CNTN4: variants seen among roughly 807,000 people sequenced by gnomAD.
CNTN4 encodes the protein contactin 4.
CNTN4 carries 77 observed loss-of-function variants against 122.5 expected under a neutral mutation model. The observed-to-expected ratio is 0.63, with a 90% confidence interval of 0.52 to 0.76. CNTN4 has a LOEUF of 0.76. CNTN4 is among the 30% of genes least tolerant of loss of function. CNTN4 has a pLI of 0.00. For synonymous variants in CNTN4, 512 were observed against 447.0 expected (o/e 1.15, Z -1.83); for missense variants, 1,256 against 1,259.1 (o/e 1.00, Z 0.04).
intron 2 of CNTN4, among the ~76,000 whole-genome samples, chr3:2,214,499 C>A (rs2038753124): frequency 6.6e-6 from 1 of 151,998 alleles, no homozygotes; most frequent in African/African-American, 2.4e-5. Flanking sequence ...CTTTCTTTTA[C>A]CTTTCAAAAA....
At chr3:3,019,573 GCATGAGC>G (rs1456779468) in intron 14 of CNTN4, among the ~76,000 whole-genome samples, 4 of 151,850 alleles carry the variant, frequency 2.6e-5, no homozygotes, top group Non-Finnish European at 5.9e-5. Context: ...AGGATTACAG[GCATGAGC>G]CATGGTAGCC....
At chr3:2,402,878 T>C (rs1345160528) in intron 3 of CNTN4, among the ~76,000 whole-genome samples, 2 of 152,174 alleles carry the variant, frequency 1.3e-5, no homozygotes, top group Non-Finnish European at 2.9e-5. Context: ...TTGCTGTGAT[T>C]GCAATAGTTC....
chr3:2,349,911 T>C (rs2044542931), intron 3 of CNTN4, among the ~76,000 whole-genome samples: 2 of 152,170 alleles, frequency 1.3e-5, no homozygotes, highest in Non-Finnish European at 2.9e-5. Flanking sequence ...AACAGTCAAC[T>C]TTATATGAAC....
At chr3:3,014,312 C>G (rs1438357688) in intron 14 of CNTN4, among the ~76,000 whole-genome samples, 1 of 152,156 alleles carries the variant, frequency 6.6e-6, no homozygotes, top group African/African-American at 2.4e-5. Flanking sequence ...GCAAAACCTA[C>G]TTGTCATTTT....
At chr3:2,877,957 T>C in intron 8 of CNTN4, among the ~76,000 whole-genome samples, 1 of 152,338 alleles carries the variant, frequency 6.6e-6, no homozygotes, top group Non-Finnish European at 1.5e-5. Context: ...CCAAATTAAA[T>C]GGAACAGTTC....
intron 4 of CNTN4, among the ~76,000 whole-genome samples, chr3:2,576,065 G>A (rs957027217): frequency 3.9e-5 from 6 of 152,042 alleles, no homozygotes; most frequent in Non-Finnish European, 8.8e-5. Context: ...TCGATCTCCT[G>A]ACCTTGTGAT....
At chr3:2,391,068 T>C (rs575083214) in intron 3 of CNTN4, among the ~76,000 whole-genome samples, 2 of 152,310 alleles carry the variant, frequency 1.3e-5, no homozygotes, top group East Asian at 1.9e-4. Context: ...GGGAACCAGA[T>C]TTAGTTTGTA....
At chr3:2,324,597 CA>C (rs2043388398) in intron 2 of CNTN4, among the ~76,000 whole-genome samples, 2 of 152,204 alleles carry the variant, frequency 1.3e-5, no homozygotes, top group Middle Eastern at 3.4e-3. Flanking sequence ...CTTTGTGTCC[CA>C]GATCTGTTTC....
chr3:2,632,834 T>C (rs1205857628), intron 4 of CNTN4, among the ~76,000 whole-genome samples: 1 of 152,080 alleles, frequency 6.6e-6, no homozygotes, highest in Non-Finnish European at 1.5e-5. Flanking sequence ...AAAAGCTGAG[T>C]AAATTCCCCA....
intron 3 of CNTN4, among the ~76,000 whole-genome samples, chr3:2,502,536 C>T (rs555902243): frequency 2.6e-5 from 4 of 152,248 alleles, no homozygotes; most frequent in African/African-American, 7.2e-5. Context: ...TTCCATCCAC[C>T]ATCAGTGGAT....
intron 4 of CNTN4, among the ~76,000 whole-genome samples, chr3:2,692,205 A>G (rs1394351993): frequency 2.0e-5 from 3 of 152,214 alleles, no homozygotes; most frequent in African/African-American, 4.8e-5. Context: ...CGATCCCTTG[A>G]CTAAGTATTT....
chr3:2,871,252 T>G (rs1410977382), intron 8 of CNTN4, among the ~76,000 whole-genome samples: 1 of 152,232 alleles, frequency 6.6e-6, no homozygotes, highest in Non-Finnish European at 1.5e-5. Context: ...TTATGTGTCA[T>G]AATTGAAAGT....
intron 3 of CNTN4, among the ~76,000 whole-genome samples, chr3:2,524,522 T>C (rs948454727): frequency 1.3e-5 from 2 of 152,092 alleles, no homozygotes; most frequent in Non-Finnish European, 2.9e-5. Flanking sequence ...TTAACCAATA[T>C]GTTTAAATTT....
chr3:2,117,338 C>A lies in CNTN4; in HGVS notation c.-145+16699C>A, dbSNP rs190149436. 1.2e-3 allele frequency among the ~76,000 whole-genome samples: 177 copies of A among 152,308 alleles called. 1 individual carries two copies. Among genetic ancestry groups the A allele is most frequent in the African/African-American group, 3.2e-3 (133 of 41,586 alleles). On this transcript the variant is annotated intron_variant, in intron 2 of 24. Coordinates refer to ENST00000418658, the MANE Select transcript of CNTN4 (RefSeq NM_175607.3). ...AGGGTGAGGTATTGGGGAAAGGCCC[C>A]ACACTGGGCCTTTCATGCCCTTTCT...
chr3:2,422,894 G>T (rs2047665224), intron 3 of CNTN4, among the ~76,000 whole-genome samples: 1 of 152,136 alleles, frequency 6.6e-6, no homozygotes, highest in Non-Finnish European at 1.5e-5. Context: ...TGTTGTCCAG[G>T]AACTAAATTT....
At position 2,884,782 on chromosome 3, in the gene CNTN4, G is replaced by A. The variant is rs151129186; in HGVS notation, c.755+1535G>A. ...TTCACGTTGTTCACACTTCAAAGGG[G>A]GTTATGAATTAAACTCTATTCACAC... On this transcript the variant is annotated intron_variant, in intron 9 of 24. Transcript: ENST00000418658. Among the ~76,000 whole-genome samples the A allele has an allele frequency of 3.6e-3, 552 of 152,186 alleles. 3 individuals carry two copies. Among genetic ancestry groups the A allele is most frequent in the African/African-American group, 0.012 (517 of 41,532 alleles).
intron 3 of CNTN4, among the ~76,000 whole-genome samples, chr3:2,439,597 T>C (rs753253107): frequency 2.6e-5 from 4 of 152,216 alleles, no homozygotes; most frequent in Non-Finnish European, 4.4e-5. Flanking sequence ...CTGAAGTATC[T>C]GTGTTCCTCT....
At chr3:2,123,543 C>G (rs1010659981) in intron 2 of CNTN4, among the ~76,000 whole-genome samples, 1 of 152,170 alleles carries the variant, frequency 6.6e-6, no homozygotes, top group Non-Finnish European at 1.5e-5. Context: ...GCTCAGATGT[C>G]TTTGCTACTG....
chr3:2,151,756 A>G (rs1332073905), intron 2 of CNTN4, among the ~76,000 whole-genome samples: 2 of 152,150 alleles, frequency 1.3e-5, no homozygotes, highest in African/African-American at 4.8e-5. Context: ...AAGAAGAGGA[A>G]AACAGACCTG....
Sources: allele counts gnomAD v4.1 joint callset (sites outside exome capture counted in the v4.1 genomes callset), GRCh38; gene constraint gnomAD v4.1.1; transcripts MANE v1.5; gene names NCBI Gene and HGNC (gene_info 2026-07-23, HGNC 2026-07-21).